PPM1E: variants seen among roughly 807,000 people sequenced by gnomAD.
PPM1E encodes the protein protein phosphatase 1E.
PPM1E carries 20 observed loss-of-function variants against 65.9 expected under a neutral mutation model. The ratio of observed to expected loss-of-function variants is 0.30; its 90% CI spans 0.21 to 0.44. The LOEUF (loss-of-function observed/expected upper bound fraction) is 0.44, where lower values mean the gene tolerates loss of function less well. Ranked by LOEUF, PPM1E falls within the 20% of genes least tolerant of loss-of-function variation. The pLI, the probability that PPM1E is intolerant of heterozygous loss-of-function variation, is 1.00. For synonymous variants in PPM1E, 352 were observed against 374.9 expected (o/e 0.94, Z 0.70); for missense variants, 713 against 953.1 (o/e 0.75, Z 3.32).
intron 1 of PPM1E, among the ~76,000 whole-genome samples, chr17:58,918,692 G>A (rs1198363150): frequency 1.3e-5 from 2 of 150,366 alleles, no homozygotes; most frequent in African/African-American, 4.9e-5. Context: ...TGTAGTCCCA[G>A]CTACTCGGGA....
chr17:58,849,674 G>A (rs1053124885), intron 1 of PPM1E, among the ~76,000 whole-genome samples: 7 of 152,136 alleles, frequency 4.6e-5, no homozygotes, highest in South Asian at 4.2e-4. Context: ...CATTTGCTGA[G>A]GAGTGCTTTA....
intron 1 of PPM1E, among the ~76,000 whole-genome samples, chr17:58,865,985 T>G (rs2050999134): frequency 6.6e-6 from 1 of 152,178 alleles, no homozygotes. Context: ...AGAGGTAAGA[T>G]TTCTTATGTA....
chr17:58,870,686 T>C (rs1055923413), intron 1 of PPM1E, among the ~76,000 whole-genome samples: 5 of 152,208 alleles, frequency 3.3e-5, no homozygotes, highest in Non-Finnish European at 5.9e-5. Context: ...ACCCCCATTT[T>C]GGCCACTGTA....
rs537642545 is a variant in PPM1E, at chr17:58,879,249, T to A, written c.465-76400T>A. On this transcript the variant is annotated intron_variant, in intron 1 of 6. Transcript: ENST00000308249. ...TTTTAATAACTTTGAAGCAAAAGGC[T>A]ACTTGGAGTGCATTATCTCCACATA... is the stretch of plus-strand genomic sequence containing the variant. Among the ~76,000 whole-genome samples the A allele has an allele frequency of 2.3e-4, 32 of 142,204 alleles. No homozygotes were observed. In the East Asian group the frequency reaches 5.4e-3, roughly 24 times the overall value. The allele number at this position is 142,204 out of a possible 152,430, so 93.3% of individuals were successfully genotyped here.
intron 1 of PPM1E, among the ~76,000 whole-genome samples, chr17:58,757,159 G>A (rs1362440168): frequency 1.3e-5 from 2 of 152,190 alleles, no homozygotes; most frequent in Non-Finnish European, 2.9e-5. Context: ...AATTGAGAGG[G>A]AAGGGTAAGC....
chr17:58,909,924 C>CTTTTTTTTTTTTTTTTTTTTTT (rs35833275), intron 1 of PPM1E, among the ~76,000 whole-genome samples: 100 of 90,042 alleles, frequency 1.1e-3, no homozygotes, highest in Non-Finnish European at 1.6e-3. Flanking sequence ...TTTTCTTTTT[C>CTTTTTTTTTTTTTTTTTTTTTT]TTTTTTTTTT....
At chr17:58,953,783 T>C (rs1205116177) in intron 1 of PPM1E, among the ~76,000 whole-genome samples, 1 of 151,666 alleles carries the variant, frequency 6.6e-6, no homozygotes, top group East Asian at 1.9e-4. Flanking sequence ...TTTTCACTCT[T>C]GTTGCCCAGG....
At chr17:58,805,964 AAAAAAAAAAC>A (rs1567838758) in intron 1 of PPM1E, among the ~76,000 whole-genome samples, 5 of 115,218 alleles carry the variant, frequency 4.3e-5, no homozygotes, top group African/African-American at 1.2e-4. Flanking sequence ...AAAAAAACAA[AAAAAAAAAAC>A]AAAAAAAAAA....
intron 1 of PPM1E, among the ~76,000 whole-genome samples, chr17:58,809,449 G>C (rs1277290324): frequency 3.9e-5 from 6 of 152,026 alleles, no homozygotes; most frequent in Non-Finnish European, 5.9e-5. Flanking sequence ...TGGGAGTGCA[G>C]TGGCGCGGCT....
At chr17:58,927,419 C>T (rs2051837501) in intron 1 of PPM1E, among the ~76,000 whole-genome samples, 2 of 151,926 alleles carry the variant, frequency 1.3e-5, no homozygotes, top group African/African-American at 4.8e-5. Flanking sequence ...CATGAGCCAC[C>T]GCACCCAGCC....
At chr17:58,965,603 T>C (rs1002469780) in intron 2 of PPM1E, 91 bp from the exon 3 acceptor site, 19 of 1,238,794 alleles carry the variant, frequency 1.5e-5, no homozygotes, top group Non-Finnish European at 2.2e-5. Flanking sequence ...GGAACTTGAC[T>C]AAGGTGACCT....
chr17:58,812,976 C>T (rs778935988), intron 1 of PPM1E, among the ~76,000 whole-genome samples: 6 of 152,122 alleles, frequency 3.9e-5, no homozygotes, highest in Non-Finnish European at 7.4e-5. Context: ...ATCTCTGTGG[C>T]TCAGTCTTAA....
chr17:58,923,407 G>A (rs1256274577), intron 1 of PPM1E, among the ~76,000 whole-genome samples: 1 of 151,980 alleles, frequency 6.6e-6, no homozygotes, highest in Non-Finnish European at 1.5e-5. Flanking sequence ...GAGGCCAGGA[G>A]TTTGAGACCA....
intron 1 of PPM1E, among the ~76,000 whole-genome samples, chr17:58,917,246 T>C (rs1008692775): frequency 6.6e-6 from 1 of 151,790 alleles, no homozygotes; most frequent in Non-Finnish European, 1.5e-5. Context: ...TCTGTATTCA[T>C]TGAAAATTAA....
At chr17:58,827,131 T>C (rs2050545222) in intron 1 of PPM1E, among the ~76,000 whole-genome samples, 1 of 137,762 alleles carries the variant, frequency 7.3e-6, no homozygotes, top group Non-Finnish European at 1.5e-5. Context: ...TTTAAGTCCA[T>C]GATCTTTTTT....
At chr17:58,808,600 A>G (rs1160574326) in intron 1 of PPM1E, among the ~76,000 whole-genome samples, 1 of 152,116 alleles carries the variant, frequency 6.6e-6, no homozygotes. Flanking sequence ...AGAGAAAAAG[A>G]GTATAAAATT....
intron 1 of PPM1E, among the ~76,000 whole-genome samples, chr17:58,862,742 A>G (rs992714413): frequency 6.6e-6 from 1 of 152,210 alleles, no homozygotes; most frequent in African/African-American, 2.4e-5. Context: ...TGTTTTCCCC[A>G]AGTAATCATT....
At chr17:58,770,946 TC>T (rs1453368694) in intron 1 of PPM1E, among the ~76,000 whole-genome samples, 2 of 151,528 alleles carry the variant, frequency 1.3e-5, no homozygotes, top group African/African-American at 4.8e-5. Context: ...AGCCTCCGCC[TC>T]CTGGGTTCAA....
rs140287817 is a variant in PPM1E, at chr17:58,954,845, A to G, written c.465-804A>G. 1.6e-3 allele frequency among the ~76,000 whole-genome samples: 235 copies of G among 146,454 alleles called. 4 individuals carry two copies. In the East Asian group the frequency reaches 0.044, roughly 27 times the overall value. ...CAATGAGCCAAGATTGCACCACTGC[A>G]CTCCAGTCTAGGCAACAGAGCAAGA... On this transcript the variant is annotated intron_variant, in intron 1 of 6. Coordinates refer to ENST00000308249, the MANE Select transcript of PPM1E (RefSeq NM_014906.5).
Sources: gnomAD v4.1 joint callset for allele counts (sites outside exome capture counted in the v4.1 genomes callset) on GRCh38, gnomAD v4.1.1 for gene constraint, MANE v1.5 for transcripts, NCBI Gene and HGNC (gene_info 2026-07-23, HGNC 2026-07-21) for gene names.